HECTD4: variants seen among roughly 807,000 people sequenced by gnomAD.
The protein encoded by HECTD4 is HECT domain E3 ubiquitin protein ligase 4.
A neutral mutation model predicts 471.5 loss-of-function variants in HECTD4; 114 were observed. The observed-to-expected ratio is 0.24, with a 90% confidence interval of 0.21 to 0.28. The LOEUF (loss-of-function observed/expected upper bound fraction) is 0.28. Among genes scored for constraint, HECTD4 ranks in the 10% least tolerant of loss-of-function variants. The pLI is 1.00. For missense variants in HECTD4, 3,866 were observed against 5,651.5 expected, an observed-to-expected ratio of 0.68 and a Z score of 10.13; for synonymous variants, 2,012 against 2,256.0, an observed-to-expected ratio of 0.89 and a Z score of 3.07.
At chr12:112,168,834 G>A (rs2031091417) in intron 70 of HECTD4, among the ~76,000 whole-genome samples, 1 of 152,236 alleles carries the variant, frequency 6.6e-6, no homozygotes, top group South Asian at 2.1e-4. Flanking sequence ...TGTCGAGCGT[G>A]AGTCTGGGCT....
chr12:112,243,383 GGAC>G lies in HECTD4; in HGVS notation c.4925_4927del (p.Gly1642_Pro1643delinsAla). 6.2e-7 allele frequency: 1 copy of G among 1,612,554 alleles called. No homozygotes were observed. Among genetic ancestry groups the G allele is most frequent in the Non-Finnish European group, 8.5e-7 (1 of 1,179,284 alleles). On this transcript the variant is annotated inframe_deletion, in exon 32 of 76. Coordinates refer to ENST00000682272, the MANE Select transcript of HECTD4 (RefSeq NM_001388303.1). This position sits in a 1 kb window ranked among gnomAD's most constrained non-coding sequence, Gnocchi z 6.6. ...TCCTCCCTGAAGGACCATCGTCACT[GGAC>G]CCACAAGATGCGTCACTCCCCCGAC... is the stretch of plus-strand genomic sequence containing the variant.
intron 7 of HECTD4, chr12:112,302,412 G>T: frequency 1.3e-6 from 1 of 754,700 alleles, no homozygotes. Context: ...TGGCAGTTCA[G>T]GGCCTGGGTG....
At chr12:112,376,679 G>T (rs999720500) in intron 1 of HECTD4, among the ~76,000 whole-genome samples, 1 of 152,156 alleles carries the variant, frequency 6.6e-6, no homozygotes, top group Admixed American at 6.5e-5. Flanking sequence ...CAAATATGCT[G>T]AGGACGCTTC....
rs1217429885 is a variant in HECTD4, at chr12:112,278,982, T to C, written c.1687+246A>G. Among the ~76,000 whole-genome samples the C allele has an allele frequency of 2.0e-5, 3 of 152,230 alleles. 1 individual carries two copies. The South Asian group carries it at 6.2e-4, about 32-fold the overall frequency. On this transcript the variant is annotated intron_variant, in intron 9 of 75. Transcript: ENST00000682272. Reference sequence around the variant, plus strand: ...AAATATTATTTTATTTCCTAAAACTTTGTTGAACTGATTATTTCTATTAAT... The same window carrying C: ...AAATATTATTTTATTTCCTAAAACTCTGTTGAACTGATTATTTCTATTAAT...
At chr12:112,214,037 G>GA (rs897897248) in intron 48 of HECTD4, among the ~76,000 whole-genome samples, 1 of 151,158 alleles carries the variant, frequency 6.6e-6, no homozygotes, top group South Asian at 2.1e-4. Flanking sequence ...AAATAAAAAA[G>GA]AAAAAAAATA....
chr12:112,316,763 T>G (rs2035488378), intron 2 of HECTD4, among the ~76,000 whole-genome samples: 1 of 151,950 alleles, frequency 6.6e-6, no homozygotes, highest in Admixed American at 6.6e-5. Flanking sequence ...AATATGCCAC[T>G]AATAACTTTA....
chr12:112,167,117 T>G lies in HECTD4; in HGVS notation c.12534+200A>C. 3 of 495,124 alleles carry G rather than the reference T, an allele frequency of 6.1e-6. 1 individual carries two copies. In the South Asian group the frequency reaches 1.0e-4, roughly 17 times the overall value. 30.7% of individuals were successfully genotyped at this position (495,124 alleles called of 1,614,324 possible). On this transcript the variant is annotated intron_variant, in intron 72 of 75. Transcript: ENST00000682272. ...AGGGCTGGTCATGTCACCTCCAATC[T>G]CTGCTGCCAGCAGGGAGGGAGGCCA...
In HECTD4 at chr12:112,228,085, T is replaced by C; in HGVS notation, c.6854+4A>G. 1 of 1,607,082 alleles carries C rather than the reference T, an allele frequency of 6.2e-7. No homozygotes were observed. Among genetic ancestry groups the C allele is most frequent in the Non-Finnish European group, 8.5e-7 (1 of 1,176,920 alleles). On this transcript the variant is annotated splice_donor_region_variant and intron_variant, in intron 43 of 75. Transcript: ENST00000682272. This position sits in a 1 kb window ranked among gnomAD's most constrained non-coding sequence, Gnocchi z 4.9. ...ACATAAGGCAATGTGGGGAGGGTACTCACCTTGTCCTTATTTCAGCAAGGA... is the reference window on the plus strand; with the variant it reads ...ACATAAGGCAATGTGGGGAGGGTACCCACCTTGTCCTTATTTCAGCAAGGA...
In HECTD4 at chr12:112,183,170, T is replaced by A; in HGVS notation, c.10876A>T (p.Met3626Leu). 1 of 1,613,722 alleles carries A rather than the reference T, an allele frequency of 6.2e-7. No homozygotes were observed. Among genetic ancestry groups the A allele is most frequent in the Non-Finnish European group, 8.5e-7 (1 of 1,179,612 alleles). Residue 3626 changes from methionine to leucine, a missense_variant, in exon 62 of 76, where the codon ATG becomes TTG. This residue lies in a region of HECTD4 where 715 missense variants were observed against 1,087.6 expected (regional missense o/e 0.66). Coordinates refer to ENST00000682272, the MANE Select transcript of HECTD4 (RefSeq NM_001388303.1). ...LSSLDGEDELMEMSTEEILTV... is the reference protein window; with the variant it reads ...LSSLDGEDELLEMSTEEILTV... ...AGAATCTCTTCTGTTGACATTTCCA[T>A]CAATTCATCTTCACCATCCAAACTT...
intron 15 of HECTD4, 48 bp from the exon 16 acceptor site, chr12:112,265,343 C>A: frequency 1.6e-6 from 2 of 1,257,970 alleles, no homozygotes; most frequent in East Asian, 2.4e-5. Context: ...ATGGTTTATT[C>A]ATAAAAGGAT....
In HECTD4 at chr12:112,184,410, G is replaced by T; in HGVS notation, c.10556C>A (p.Pro3519His). The T allele has an allele frequency of 6.2e-7, 1 of 1,606,070 alleles. No homozygotes were observed. ...VDPLPAGLEL[P>H]IPPGLLEPHA... ...GGGCTCCAACAGGCCCGGAGGGATG[G>T]GCAGCTCGAGGCCGGCAGGCAGCGG... Residue 3519 changes from proline to histidine, a missense_variant, in exon 61 of 76, where the codon CCC becomes CAC. Coordinates refer to ENST00000682272, the MANE Select transcript of HECTD4 (RefSeq NM_001388303.1). This position sits in a 1 kb window ranked among gnomAD's most constrained non-coding sequence, Gnocchi z 9.1.
chr12:112,175,602 A>T, intron 66 of HECTD4, 134 bp downstream of exon 66: 1 of 1,128,354 alleles, frequency 8.9e-7, no homozygotes, highest in Non-Finnish European at 1.2e-6. Context: ...ACTTAGGAAA[A>T]AACTCAGAAA....
At chr12:112,307,412 G>A (rs2035289052) in intron 6 of HECTD4, among the ~76,000 whole-genome samples, 1 of 152,166 alleles carries the variant, frequency 6.6e-6, no homozygotes, top group African/African-American at 2.4e-5. Flanking sequence ...CTACAGCCCT[G>A]CTTTCTTGGA....
In HECTD4 at chr12:112,381,899, T is replaced by A; in HGVS notation, c.177+53A>T. The A allele has an allele frequency of 8.5e-7, 1 of 1,174,280 alleles. No homozygotes were observed. Among genetic ancestry groups the A allele is most frequent in the East Asian group, 3.3e-5 (1 of 30,348 alleles). The allele number at this position is 1,174,280 out of a possible 1,614,324, so 72.7% of individuals were successfully genotyped here. On this transcript the variant is annotated intron_variant, in intron 1 of 75. Coordinates refer to ENST00000682272, the MANE Select transcript of HECTD4 (RefSeq NM_001388303.1). This position sits in a 1 kb window ranked among gnomAD's most constrained non-coding sequence, Gnocchi z 4.1. ...GCGAGGAGGGGGCCCGACCCGGGGG[T>A]GCCGGGCGAGTGGGTCAGTCCGATG...
rs768809569 is a variant in HECTD4 at position 112,229,793 on chromosome 12, G to C, written c.6424C>G (p.Leu2142Val). The change falls in exon 41 of 76, where the codon CTT becomes GTT. Residue 2142 changes from leucine (L) to valine (V), a missense_variant. Around this residue, in one of 16 missense-constraint regions of HECTD4, gnomAD observed 617 missense variants for 915.1 expected, o/e 0.67. Transcript: ENST00000682272. Reference sequence around the variant, plus strand: ...CGTGCAATTCTCTGAAGTTTGGCAAGTTTCCTGCCACTGCTGCTGCCATTT... The same window carrying C: ...CGTGCAATTCTCTGAAGTTTGGCAACTTTCCTGCCACTGCTGCTGCCATTT... ...LENGSSSGRK[L>V]AKLQRIARQA... The C allele has an allele frequency of 6.2e-7, 1 of 1,614,010 alleles. No individual in the cohort carries two copies. The highest frequency in any genetic ancestry group is 1.7e-5 in the Admixed American group (1 of 60,026).
intron 4 of HECTD4, among the ~76,000 whole-genome samples, chr12:112,311,152 C>T (rs2035361646): frequency 6.6e-6 from 1 of 151,934 alleles, no homozygotes; most frequent in Non-Finnish European, 1.5e-5. Context: ...ATCCCAGCTA[C>T]TAGGGAGGCT....
At chr12:112,315,824 A>T (rs1460265554) in intron 2 of HECTD4, among the ~76,000 whole-genome samples, 1 of 149,294 alleles carries the variant, frequency 6.7e-6, no homozygotes, top group Non-Finnish European at 1.5e-5. Flanking sequence ...TGAACACAGG[A>T]GTTCAAGGTT....
At position 112,228,852 on chromosome 12, in the gene HECTD4, C is replaced by T. The variant is rs763926083; in HGVS notation, c.6520-41G>A. The T allele has an allele frequency of 2.5e-5, 39 of 1,575,292 alleles. 1 individual carries two copies. The highest frequency in any genetic ancestry group is 4.1e-5 in the African/African-American group (3 of 73,052). On this transcript the variant is annotated intron_variant, in intron 41 of 75. Coordinates refer to ENST00000682272, the MANE Select transcript of HECTD4 (RefSeq NM_001388303.1). This position sits in a 1 kb window ranked among gnomAD's most constrained non-coding sequence, Gnocchi z 4.9. ...GATTAGCACTACCAACCAGCTCTGA[C>T]GTGTGGGCAGCTGTCTTACGAGACA...
chr12:112,265,908 C>A lies in HECTD4; in HGVS notation c.2468G>T (p.Arg823Leu). Reference sequence around the variant, plus strand: ...ATGATCATCCTCATCACTGCCAAATCGGTTGTTTTGGAGCTGTTCAGCCAG... The same window carrying A: ...ATGATCATCCTCATCACTGCCAAATAGGTTGTTTTGGAGCTGTTCAGCCAG... Reference protein sequence around the residue: ...TNLAEQLQNNRFGSDEDDHYR... With the variant: ...TNLAEQLQNNLFGSDEDDHYR... Residue 823 changes from arginine to leucine, a missense_variant, in exon 15 of 76, where the codon CGA (arginine) becomes CTA (leucine). Transcript: ENST00000682272. The A allele has an allele frequency of 6.2e-7, 1 of 1,613,866 alleles. No homozygotes were observed. The highest frequency in any genetic ancestry group is 8.5e-7 in the Non-Finnish European group (1 of 1,179,810).
Sources: gnomAD v4.1 joint callset for allele counts (sites outside exome capture counted in the v4.1 genomes callset) on GRCh38, gnomAD v4.1.1 for gene constraint, gnomAD v4.1.1 regional missense constraint, Gnocchi (gnomAD v3.1) non-coding constraint, MANE v1.5 for transcripts, NCBI Gene and HGNC (gene_info 2026-07-23, HGNC 2026-07-21) for gene names.